Variants in SLC36A1 observed in about 807,000 individuals in gnomAD.
SLC36A1 encodes the protein solute carrier family 36 member 1.
Under a neutral mutation model 47.5 loss-of-function variants are expected in SLC36A1, and 30 were observed. The observed-to-expected ratio is 0.63, with a 90% CI of 0.47 to 0.86. The LOEUF (loss-of-function observed/expected upper bound fraction) is 0.86. Ranked by LOEUF, SLC36A1 falls within the 40% of genes least tolerant of loss-of-function variation. SLC36A1 has a pLI of 0.00. For synonymous variants in SLC36A1, 255 were observed against 249.7 expected (o/e 1.02, Z -0.20); for missense variants, 517 against 606.0 (o/e 0.85, Z 1.54).
At chr5:151,448,323 T>C (rs1753127981) in intron 1 of SLC36A1, among the ~76,000 whole-genome samples, 1 of 152,224 alleles carries the variant, frequency 6.6e-6, no homozygotes, top group East Asian at 1.9e-4. Context: ...GCTGTTTGCT[T>C]TTCGCCACAC....
At chr5:151,405,296 C>G in the SLC36A1 span, among the ~76,000 whole-genome samples, 1 of 150,204 alleles carries the variant, frequency 6.7e-6, no homozygotes, top group African/African-American at 2.4e-5. Context: ...TTACTGACTT[C>G]CTTGGGTTGA....
chr5:151,543,911 G>C, the SLC36A1 span: 4 of 1,614,096 alleles, frequency 2.5e-6, no homozygotes, highest in Admixed American at 5.0e-5. Context: ...CTGCTGTCAG[G>C]GTCAATAGCC....
the SLC36A1 span, chr5:151,505,627 T>TG: frequency 1.2e-6 from 2 of 1,614,076 alleles, no homozygotes; most frequent in Non-Finnish European, 8.5e-7. Context: ...CCCTCATAGT[T>TG]GGGGGGCACC....
At chr5:151,517,650 G>A in the SLC36A1 span, 1 of 1,614,174 alleles carries the variant, frequency 6.2e-7, no homozygotes, top group South Asian at 1.1e-5. Flanking sequence ...TTTCATTGGT[G>A]AATAGAAGAA....
At chr5:151,372,941 A>G in the SLC36A1 span, among the ~76,000 whole-genome samples, 1 of 152,218 alleles carries the variant, frequency 6.6e-6, no homozygotes, top group African/African-American at 2.4e-5. Flanking sequence ...TGAAGAAGAC[A>G]GAATGTGGCA....
the SLC36A1 span, among the ~76,000 whole-genome samples, chr5:151,360,473 T>C: frequency 6.6e-6 from 1 of 151,924 alleles, no homozygotes; most frequent in East Asian, 1.9e-4. Context: ...TCATATTGAG[T>C]AGGCTGAGGA....
the SLC36A1 span, among the ~76,000 whole-genome samples, chr5:151,517,393 A>G: frequency 6.6e-6 from 1 of 152,232 alleles, no homozygotes; most frequent in Non-Finnish European, 1.5e-5. Flanking sequence ...CCCACAGAGT[A>G]AGCAGCCCCA....
chr5:151,432,732 C>G (rs1434601486), upstream of SLC36A1, among the ~76,000 whole-genome samples: 1 of 152,100 alleles, frequency 6.6e-6, no homozygotes, highest in Non-Finnish European at 1.5e-5. Context: ...CCAGAGAGAC[C>G]AGCAGCATGA....
chr5:151,385,729 TA>T, the SLC36A1 span, among the ~76,000 whole-genome samples: 37 of 151,896 alleles, frequency 2.4e-4, no homozygotes, highest in Admixed American at 1.4e-3. Flanking sequence ...AACAAAACAA[TA>T]AAAAAAGAGA....
At chr5:151,508,535 C>T in the SLC36A1 span, among the ~76,000 whole-genome samples, 1 of 151,872 alleles carries the variant, frequency 6.6e-6, no homozygotes, top group Non-Finnish European at 1.5e-5. Flanking sequence ...TATGGTGAAA[C>T]CCCGTATCTA....
the SLC36A1 span, among the ~76,000 whole-genome samples, chr5:151,427,956 T>C: frequency 2.0e-5 from 3 of 152,164 alleles, no homozygotes; most frequent in Non-Finnish European, 4.4e-5. Flanking sequence ...AAGGTCAAAA[T>C]GGGTGTCCAG....
At chr5:151,375,375 T>A in the SLC36A1 span, among the ~76,000 whole-genome samples, 1 of 152,208 alleles carries the variant, frequency 6.6e-6, no homozygotes, top group Non-Finnish European at 1.5e-5. Context: ...GCTATAGACA[T>A]GTGGCTCTAT....
At chr5:151,459,068 G>A (rs1160098675) in intron 2 of SLC36A1, 133 bp downstream of exon 2, 2 of 993,110 alleles carry the variant, frequency 2.0e-6, no homozygotes, top group African/African-American at 3.2e-5. Flanking sequence ...GATTGGGCGA[G>A]TGACTGCGCT....
chr5:151,394,235 C>A, the SLC36A1 span, among the ~76,000 whole-genome samples: 4 of 152,200 alleles, frequency 2.6e-5, no homozygotes, highest in Non-Finnish European at 4.4e-5. Flanking sequence ...AGTTCTCATG[C>A]CATGGTTTTC....
At chr5:151,359,289 C>T in the SLC36A1 span, among the ~76,000 whole-genome samples, 6 of 152,194 alleles carry the variant, frequency 3.9e-5, no homozygotes, top group Non-Finnish European at 7.3e-5. Flanking sequence ...TGGCTACCCC[C>T]ACTCAACCTA....
chr5:151,463,454 T>A, intron 2 of SLC36A1, 99 bp from the exon 3 acceptor site: 4 of 880,252 alleles, frequency 4.5e-6, no homozygotes, highest in Non-Finnish European at 7.6e-6. Flanking sequence ...TCTTACAGGG[T>A]TGTTGTGGAA....
chr5:151,503,117 G>C, the SLC36A1 span, among the ~76,000 whole-genome samples: 8 of 147,820 alleles, frequency 5.4e-5, 2 homozygotes, highest in African/African-American at 2.1e-4. Flanking sequence ...GATTTTTAGG[G>C]CAGTGAAACC....
At chr5:151,532,576 C>A in the SLC36A1 span, among the ~76,000 whole-genome samples, 1 of 152,338 alleles carries the variant, frequency 6.6e-6, no homozygotes, top group Admixed American at 6.5e-5. Context: ...CACACAGTCC[C>A]CACCAGTCCT....
the SLC36A1 span, chr5:151,511,106 A>C: frequency 6.5e-6 from 1 of 152,700 alleles, no homozygotes; most frequent in Non-Finnish European, 1.5e-5. Flanking sequence ...GAGAACAGGG[A>C]GGAGGCTGGT....
Sources: gnomAD v4.1 joint callset for allele counts (sites outside exome capture counted in the v4.1 genomes callset) on GRCh38, gnomAD v4.1.1 for gene constraint, MANE v1.5 for transcripts, NCBI Gene and HGNC (gene_info 2026-07-23, HGNC 2026-07-21) for gene names.